Variants in HEPHL1 observed in about 807,000 individuals in gnomAD.
The protein encoded by HEPHL1 is hephaestin like 1, also known as ferroxidase HEPHL1.
In HEPHL1, 123 loss-of-function variants were observed where a neutral mutation model predicts 122.0. That is an observed-to-expected ratio of 1.01 (90% CI 0.87 to 1.17). The LOEUF is 1.17. Ranked by LOEUF, HEPHL1 falls within the 50% of genes most tolerant of loss-of-function variation. The probability of loss-of-function intolerance (pLI) is 0.00; values close to 1 mark genes in which losing one functional copy is unlikely to be tolerated. For missense variants in HEPHL1, 1,452 were observed against 1,430.5 expected (o/e 1.01, Z -0.24); for synonymous variants, 527 against 508.9 (o/e 1.04, Z -0.48).
At chr11:94,049,576 C>G (rs914866007) in intron 2 of HEPHL1, among the ~76,000 whole-genome samples, 1 of 145,682 alleles carries the variant, frequency 6.9e-6, no homozygotes, top group Admixed American at 7.1e-5. Context: ...GACATTGACT[C>G]TGGGTCCTGA....
At position 94,070,468 on chromosome 11, in the gene HEPHL1, T is replaced by C; in HGVS notation, c.1158T>C (p.Ala386=). Residue 386 remains alanine (A), a synonymous_variant, in exon 6 of 20, where the codon GCT becomes GCC. Transcript: ENST00000315765. ...KGQQRRYFIA[A]EKILWDYAPQ... Reference sequence around the variant, plus strand: ...AACAGAGGCGCTACTTTATAGCAGCTGAAAAAATTCTTTGGGATTATGCTC... The same window carrying C: ...AACAGAGGCGCTACTTTATAGCAGCCGAAAAAATTCTTTGGGATTATGCTC... 1 of 1,610,382 alleles carries C rather than the reference T, an allele frequency of 6.2e-7. No homozygotes were observed. The highest frequency in any genetic ancestry group is 8.5e-7 in the Non-Finnish European group (1 of 1,178,144).
At chr11:94,083,496 G>A (rs1946190481) in intron 10 of HEPHL1, among the ~76,000 whole-genome samples, 1 of 152,242 alleles carries the variant, frequency 6.6e-6, no homozygotes, top group African/African-American at 2.4e-5. Context: ...CTGCAAGAGT[G>A]TGCAGTCAAT....
At chr11:94,031,259 T>A (rs1237292868) in intron 1 of HEPHL1, among the ~76,000 whole-genome samples, 1 of 152,004 alleles carries the variant, frequency 6.6e-6, no homozygotes, top group Non-Finnish European at 1.5e-5. Context: ...AGTCTCATAG[T>A]CTGGAGGCTA....
intron 13 of HEPHL1, among the ~76,000 whole-genome samples, chr11:94,097,061 C>T (rs1039734948): frequency 5.9e-4 from 90 of 152,130 alleles, no homozygotes; most frequent in African/African-American, 2.1e-3. Flanking sequence ...CTTCTGCTAG[C>T]TTTTGAATGT....
At position 94,021,405 on chromosome 11, in the gene HEPHL1, C is replaced by T; in HGVS notation, c.37C>T (p.Leu13Phe). Reference protein sequence around the residue: ...RKQPAGCIFLLTFLGLSGLVG... With the variant: ...RKQPAGCIFLFTFLGLSGLVG... ...GCAGCCAGCTGGCTGCATCTTTCTC[C>T]TCACATTCCTGGGTCTGTCTGGGCT... Residue 13 changes from leucine to phenylalanine, a missense_variant, in exon 1 of 20, where the codon CTC becomes TTC. Leu to Phe is a conservative substitution (Grantham distance 22). Coordinates refer to ENST00000315765, the MANE Select transcript of HEPHL1 (RefSeq NM_001098672.2). 2 of 1,613,338 alleles carry T rather than the reference C, an allele frequency of 1.2e-6. No homozygotes were observed. The highest frequency in any genetic ancestry group is 1.7e-6 in the Non-Finnish European group (2 of 1,179,634).
rs188335241 is a variant in HEPHL1, at chr11:94,109,977, T to A, written c.3046-926T>A. On this transcript the variant is annotated intron_variant, in intron 17 of 19. Coordinates refer to ENST00000315765, the MANE Select transcript of HEPHL1 (RefSeq NM_001098672.2). ...ATCTGGAGTTTAATTTGTTGGAATA[T>A]CTTGAAGCAATTACAGTTTCTTTAA... 2.8e-3 allele frequency among the ~76,000 whole-genome samples: 427 copies of A among 152,352 alleles called. 5 individuals carry two copies. Among genetic ancestry groups the A allele is most frequent in the African/African-American group, 9.6e-3 (400 of 41,590 alleles).
chr11:94,037,009 C>T (rs528711442), intron 1 of HEPHL1, among the ~76,000 whole-genome samples: 3,174 of 152,200 alleles, frequency 0.021, 97 homozygotes, highest in African/African-American at 0.074. Flanking sequence ...CCAGTGGGTG[C>T]GCGCACCGTG....
intron 4 of HEPHL1, among the ~76,000 whole-genome samples, chr11:94,066,862 C>T (rs773569847): frequency 6.6e-5 from 10 of 152,226 alleles, no homozygotes; most frequent in South Asian, 2.1e-4. Context: ...TTAAAGTATT[C>T]GGTCCTGGAT....
At chr11:94,066,225 T>C (rs1193380046) in intron 4 of HEPHL1, among the ~76,000 whole-genome samples, 1 of 151,454 alleles carries the variant, frequency 6.6e-6, no homozygotes, top group African/African-American at 2.4e-5. Context: ...CTAGCCTGTA[T>C]GCTGAAGTAG....
At chr11:94,098,843 T>A (rs1183622727) in intron 13 of HEPHL1, among the ~76,000 whole-genome samples, 1 of 152,222 alleles carries the variant, frequency 6.6e-6, no homozygotes, top group Admixed American at 6.5e-5. Context: ...GTAGTTCTCG[T>A]GCCATGGTTT....
At chr11:94,090,072 A>G (rs187909535) in intron 12 of HEPHL1, among the ~76,000 whole-genome samples, 1 of 151,976 alleles carries the variant, frequency 6.6e-6, no homozygotes, top group East Asian at 1.9e-4. Flanking sequence ...GGCTGTACTT[A>G]TGGAAAAGAG....
chr11:94,108,690 G>A (rs1369492774), intron 17 of HEPHL1, among the ~76,000 whole-genome samples: 1 of 151,688 alleles, frequency 6.6e-6, no homozygotes, highest in Non-Finnish European at 1.5e-5. Flanking sequence ...TTACTTTTGT[G>A]AAAATCATAT....
intron 1 of HEPHL1, among the ~76,000 whole-genome samples, chr11:94,034,803 G>T (rs1378430670): frequency 6.6e-6 from 1 of 152,200 alleles, no homozygotes; most frequent in Non-Finnish European, 1.5e-5. Context: ...CCCAAATCAG[G>T]CATGAAGTTA....
chr11:94,057,443 C>T (rs73551180), intron 2 of HEPHL1, among the ~76,000 whole-genome samples: 6,169 of 152,144 alleles, frequency 0.041, 308 homozygotes, highest in East Asian at 0.2. Context: ...AGGTTCTGTC[C>T]ATTTTCTTCT....
At chr11:94,031,556 T>C (rs1339365953) in intron 1 of HEPHL1, among the ~76,000 whole-genome samples, 2 of 152,210 alleles carry the variant, frequency 1.3e-5, no homozygotes, top group Non-Finnish European at 2.9e-5. Context: ...GCTTTTGCTA[T>C]CAAAATCATT....
intron 1 of HEPHL1, among the ~76,000 whole-genome samples, chr11:94,031,442 A>G (rs1945674742): frequency 6.6e-6 from 1 of 151,984 alleles, no homozygotes. Context: ...ATCACGCCAT[A>G]TCAGCACCTG....
At chr11:94,076,740 A>C (rs1419715521) in intron 9 of HEPHL1, among the ~76,000 whole-genome samples, 1 of 152,210 alleles carries the variant, frequency 6.6e-6, no homozygotes, top group Non-Finnish European at 1.5e-5. Flanking sequence ...CAGGCCCTCT[A>C]TAAGCAAAAT....
At chr11:94,022,250 C>G (rs539876265) in intron 1 of HEPHL1, among the ~76,000 whole-genome samples, 2 of 152,316 alleles carry the variant, frequency 1.3e-5, no homozygotes, top group East Asian at 3.9e-4. Context: ...TCTTAACCAT[C>G]TAATTTGTTT....
In HEPHL1 at chr11:94,104,632, T is replaced by C; in HGVS notation, c.2787T>C (p.Phe929=). 6 of 1,613,828 alleles carry C rather than the reference T, an allele frequency of 3.7e-6. No homozygotes were observed. Among genetic ancestry groups the C allele is most frequent in the Non-Finnish European group, 5.1e-6 (6 of 1,179,732 alleles). ...SDVDYEFALL[F]LVFNENESWY... ...TTGATTATGAATTTGCTCTCTTGTT[T>C]TTGGTATTTAATGAGAATGAATCCT... Residue 929 remains phenylalanine, a synonymous_variant, in exon 16 of 20, where the codon TTT becomes TTC. Transcript: ENST00000315765.
Sources: allele counts gnomAD v4.1 joint callset (sites outside exome capture counted in the v4.1 genomes callset), GRCh38; gene constraint gnomAD v4.1.1; transcripts MANE v1.5; gene names NCBI Gene and HGNC (gene_info 2026-07-23, HGNC 2026-07-21).